The following UBE3D variants were observed in gnomAD, a reference collection of about 807,000 sequenced individuals.
The protein encoded by UBE3D is E3 ubiquitin-protein ligase E3D.
Under a neutral mutation model 49.6 loss-of-function variants are expected in UBE3D, and 48 were observed. The ratio of observed to expected loss-of-function variants is 0.97; its 90% CI spans 0.77 to 1.23. The LOEUF (loss-of-function observed/expected upper bound fraction) is 1.23. UBE3D is among the 50% of genes most tolerant of loss of function. The pLI, the probability that UBE3D is intolerant of heterozygous loss-of-function variation, is 0.00. For missense variants in UBE3D, 452 were observed against 468.4 expected, an observed-to-expected ratio of 0.96 and a Z score of 0.32; for synonymous variants, 189 against 174.2, an observed-to-expected ratio of 1.08 and a Z score of -0.67.
intron 9 of UBE3D, among the ~76,000 whole-genome samples, chr6:82,923,357 A>C (rs6919272): frequency 0.83 from 126,232 of 151,898 alleles, 52,799 homozygotes; most frequent in East Asian, 0.94. Flanking sequence ...GGCACATATA[A>C]ACCATAGAAT....
At chr6:82,977,113 C>CAAAAAAAAAAAAAAAAAAAAAAAAAAA (rs58424434) in intron 8 of UBE3D, among the ~76,000 whole-genome samples, 1 of 42,582 alleles carries the variant, frequency 2.3e-5, no homozygotes, top group African/African-American at 1.1e-4. Flanking sequence ...GACTCCATCT[C>CAAAAAAAAAAAAAAAAAAAAAAAAAAA]AAAAAAAAAA....
intron 8 of UBE3D, among the ~76,000 whole-genome samples, chr6:82,984,263 G>C (rs1408379567): frequency 6.6e-6 from 1 of 152,072 alleles, no homozygotes; most frequent in Admixed American, 6.6e-5. Context: ...ATGGTTAATT[G>C]CAAGAATATA....
chr6:82,949,063 A>G (rs1047576366), intron 9 of UBE3D, among the ~76,000 whole-genome samples: 1 of 152,106 alleles, frequency 6.6e-6, no homozygotes, highest in Non-Finnish European at 1.5e-5. Context: ...TAAACTGGAA[A>G]GGAACAAATC....
intron 9 of UBE3D, among the ~76,000 whole-genome samples, chr6:82,913,066 T>G (rs1772642810): frequency 6.6e-6 from 1 of 152,180 alleles, no homozygotes; most frequent in African/African-American, 2.4e-5. Context: ...TGCAATCCAG[T>G]GGGGAAAAAG....
chr6:82,890,606 T>C (rs999904001), downstream of UBE3D, among the ~76,000 whole-genome samples: 2 of 152,142 alleles, frequency 1.3e-5, no homozygotes, highest in African/African-American at 2.4e-5. Context: ...CTTACATCTG[T>C]CCCTCAGAGC....
chr6:83,027,665 T>C (rs1781578887), intron 5 of UBE3D, among the ~76,000 whole-genome samples: 1 of 152,150 alleles, frequency 6.6e-6, no homozygotes, highest in Non-Finnish European at 1.5e-5. Flanking sequence ...CTGTCATTTT[T>C]TCTTTAGCTG....
chr6:82,939,978 A>T (rs1191619346), intron 9 of UBE3D, among the ~76,000 whole-genome samples: 1 of 152,226 alleles, frequency 6.6e-6, no homozygotes, highest in Non-Finnish European at 1.5e-5. Flanking sequence ...AAGCACAGAA[A>T]CTGTCCAGCT....
chr6:82,903,043 C>T (rs1375530244), intron 9 of UBE3D, among the ~76,000 whole-genome samples: 5 of 152,150 alleles, frequency 3.3e-5, no homozygotes, highest in Admixed American at 3.3e-4. Context: ...ATCATAAAAG[C>T]TCCCTTCCAT....
At chr6:82,977,611 G>T (rs924834883) in intron 8 of UBE3D, among the ~76,000 whole-genome samples, 12 of 152,122 alleles carry the variant, frequency 7.9e-5, no homozygotes, top group South Asian at 2.1e-4. Flanking sequence ...GCCGAGGCAG[G>T]TGCATCGCCT....
chr6:82,885,301 G>T, the UBE3D span, among the ~76,000 whole-genome samples: 5 of 152,174 alleles, frequency 3.3e-5, no homozygotes, highest in East Asian at 9.7e-4. Flanking sequence ...CAACCAGATT[G>T]GTTTTTCTAG....
chr6:82,981,672 C>A (rs926656386), intron 8 of UBE3D, among the ~76,000 whole-genome samples: 3 of 151,982 alleles, frequency 2.0e-5, no homozygotes, highest in African/African-American at 7.2e-5. Context: ...TGAGAACCTA[C>A]TTGACGTTTA....
At chr6:82,994,627 C>T (rs547709226) in intron 8 of UBE3D, among the ~76,000 whole-genome samples, 1 of 152,288 alleles carries the variant, frequency 6.6e-6, no homozygotes, top group Admixed American at 6.5e-5. Context: ...GAGGGACAAA[C>T]ACCTGAACTA....
chr6:82,932,877 G>C (rs998944975), intron 9 of UBE3D, among the ~76,000 whole-genome samples: 1 of 152,196 alleles, frequency 6.6e-6, no homozygotes, highest in African/African-American at 2.4e-5. Flanking sequence ...GGACATGCTA[G>C]AGCATGGAGA....
chr6:82,941,718 C>A (rs916929474), intron 9 of UBE3D, among the ~76,000 whole-genome samples: 1 of 152,076 alleles, frequency 6.6e-6, no homozygotes, highest in Admixed American at 6.6e-5. Flanking sequence ...ATGCTGCTCT[C>A]GTGATAGTGA....
the UBE3D span, among the ~76,000 whole-genome samples, chr6:82,886,813 C>T: frequency 3.3e-5 from 5 of 152,106 alleles, no homozygotes; most frequent in Admixed American, 6.5e-5. Flanking sequence ...TATGCTTGGC[C>T]ACTATTTCGT....
At chr6:82,920,805 A>G (rs1271207382) in intron 9 of UBE3D, among the ~76,000 whole-genome samples, 1 of 151,010 alleles carries the variant, frequency 6.6e-6, no homozygotes, top group Non-Finnish European at 1.5e-5. Flanking sequence ...ACCACGTAAG[A>G]TTTACAACTC....
intron 8 of UBE3D, among the ~76,000 whole-genome samples, chr6:82,985,465 C>T (rs1243000541): frequency 6.6e-6 from 1 of 151,988 alleles, no homozygotes; most frequent in Admixed American, 6.6e-5. Flanking sequence ...CAGGTTCAAG[C>T]GATTCTCCTG....
At chr6:82,964,443 T>G (rs1049899005) in intron 8 of UBE3D, among the ~76,000 whole-genome samples, 1 of 152,194 alleles carries the variant, frequency 6.6e-6, no homozygotes, top group East Asian at 1.9e-4. Flanking sequence ...AAAAATGGTA[T>G]GTATGAGAGA....
At position 82,902,072 on chromosome 6, in the gene UBE3D, C is replaced by T. The variant is rs139976797; in HGVS notation, c.1150-9030G>A. On this transcript the variant is annotated intron_variant, in intron 9 of 9. Transcript: ENST00000369747. ...TTCTTTTCTAAATCTAGTCACTCCA[C>T]ATGGGTCTCCAGCAAATTTACTTGC... Among the ~76,000 whole-genome samples the T allele has an allele frequency of 9.6e-3, 1,460 of 152,268 alleles. 10 individuals are homozygous for T. Among genetic ancestry groups the T allele is most frequent in the South Asian group, 0.019 (90 of 4,824 alleles).
Sources: allele counts gnomAD v4.1 joint callset (sites outside exome capture counted in the v4.1 genomes callset), GRCh38; gene constraint gnomAD v4.1.1; transcripts MANE v1.5; gene names NCBI Gene and HGNC (gene_info 2026-07-23, HGNC 2026-07-21).